The following TENM3 variants were observed in gnomAD, a reference collection of about 807,000 sequenced individuals.
The protein encoded by TENM3 is teneurin-3.
In TENM3, 63 loss-of-function variants were observed where a neutral mutation model predicts 255.1. That is an observed-to-expected ratio of 0.25 (90% CI 0.20 to 0.30). The LOEUF is 0.30. Among genes scored for constraint, TENM3 ranks in the 10% least tolerant of loss-of-function variants. The pLI is 1.00. For synonymous variants in TENM3, 1,306 were observed against 1,322.3 expected (o/e 0.99, Z 0.27); for missense variants, 2,929 against 3,461.1 (o/e 0.85, Z 3.86).
intron 24 of TENM3, among the ~76,000 whole-genome samples, chr4:182,777,908 G>A (rs1764831804): frequency 6.6e-6 from 1 of 150,902 alleles, no homozygotes; most frequent in Non-Finnish European, 1.5e-5. Context: ...GAGTAGAAAT[G>A]GAAAAATCAT....
chr4:181,618,991 G>A, the TENM3 span, among the ~76,000 whole-genome samples: 1 of 152,164 alleles, frequency 6.6e-6, no homozygotes, highest in African/African-American at 2.4e-5. Context: ...CTGGAAGGCT[G>A]ACCTTTAGGG....
the TENM3 span, among the ~76,000 whole-genome samples, chr4:181,792,990 A>C: frequency 6.6e-6 from 1 of 151,970 alleles, no homozygotes; most frequent in Admixed American, 6.6e-5. Context: ...AAAGACTGCC[A>C]AGTCATTTTC....
intron 3 of TENM3, among the ~76,000 whole-genome samples, chr4:182,419,819 A>G (rs1770674504): frequency 6.8e-6 from 1 of 146,658 alleles, no homozygotes; most frequent in South Asian, 2.3e-4. Context: ...GAACTGAACA[A>G]TGAGAACACT....
intron 3 of TENM3, among the ~76,000 whole-genome samples, chr4:182,560,553 T>G (rs144405151): frequency 6.6e-6 from 1 of 152,332 alleles, no homozygotes; most frequent in African/African-American, 2.4e-5. Flanking sequence ...AGGCACAGTT[T>G]CCCTTTTTCT....
chr4:181,833,495 G>A, the TENM3 span, among the ~76,000 whole-genome samples: 1 of 152,150 alleles, frequency 6.6e-6, no homozygotes, highest in Non-Finnish European at 1.5e-5. Flanking sequence ...TAAAACCTCT[G>A]ATTAGTTTCT....
chr4:181,776,269 GC>G, the TENM3 span, among the ~76,000 whole-genome samples: 1 of 151,938 alleles, frequency 6.6e-6, no homozygotes, highest in South Asian at 2.1e-4. Flanking sequence ...CTGTTTTATG[GC>G]TGAATAGTAT....
chr4:181,827,265 G>A, the TENM3 span, among the ~76,000 whole-genome samples: 2 of 152,236 alleles, frequency 1.3e-5, no homozygotes, highest in African/African-American at 4.8e-5. Context: ...ATCCGTATTG[G>A]TGATTCGTGA....
intron 1 of TENM3, among the ~76,000 whole-genome samples, chr4:182,235,204 A>T (rs1327231084): frequency 6.6e-6 from 1 of 152,200 alleles, no homozygotes; most frequent in Admixed American, 6.5e-5. Flanking sequence ...TGTGCTTCTT[A>T]TAGCTCTGAA....
chr4:182,633,378 G>C (rs1432616455), intron 5 of TENM3, among the ~76,000 whole-genome samples: 1 of 152,226 alleles, frequency 6.6e-6, no homozygotes, highest in African/African-American at 2.4e-5. Flanking sequence ...ATAGTCAAGT[G>C]ATGAGGACGT....
chr4:182,240,429 C>T (rs547469050), upstream of TENM3, among the ~76,000 whole-genome samples: 1 of 152,270 alleles, frequency 6.6e-6, no homozygotes, highest in African/African-American at 2.4e-5. Flanking sequence ...CGGGATTAAT[C>T]TTTTTCTGGC....
the TENM3 span, among the ~76,000 whole-genome samples, chr4:181,929,540 T>C: frequency 2.6e-5 from 4 of 152,088 alleles, no homozygotes; most frequent in African/African-American, 9.7e-5. Flanking sequence ...AGAAAGTGCT[T>C]AGAGAACTAC....
At chr4:181,914,908 G>A in the TENM3 span, among the ~76,000 whole-genome samples, 1 of 152,142 alleles carries the variant, frequency 6.6e-6, no homozygotes, top group Non-Finnish European at 1.5e-5. Context: ...GGTTCTTTAT[G>A]TATCTTTGCT....
the TENM3 span, among the ~76,000 whole-genome samples, chr4:181,686,038 G>A: frequency 3.9e-5 from 6 of 152,086 alleles, no homozygotes; most frequent in East Asian, 1.9e-4. Context: ...TCATCAAATC[G>A]GATCAGTATG....
At chr4:182,258,412 C>T (rs1423079074) in intron 1 of TENM3, among the ~76,000 whole-genome samples, 1 of 152,126 alleles carries the variant, frequency 6.6e-6, no homozygotes, top group Non-Finnish European at 1.5e-5. Context: ...TTCTGTCTTA[C>T]ACTCTGTAAA....
At chr4:181,518,781 A>G in the TENM3 span, among the ~76,000 whole-genome samples, 70 of 152,250 alleles carry the variant, frequency 4.6e-4, no homozygotes, top group Middle Eastern at 3.4e-3. Flanking sequence ...CTAGCCACCT[A>G]TAATCCATAC....
chr4:182,744,220 A>G (rs779402876), intron 19 of TENM3: 10 of 894,318 alleles, frequency 1.1e-5, no homozygotes, highest in South Asian at 4.6e-5. Context: ...TTACATTTCA[A>G]TGTGACCCTC....
rs201789657 is a variant in TENM3, at chr4:182,602,720, A to AT, written c.749+1568dup. ...ACTTAAGACACAGTCATGTATACGG[A>AT]TTTTTTTTTCCTGAGGTTATTAGCA... On this transcript the variant is annotated intron_variant, in intron 4 of 27. Transcript: ENST00000511685. Among the ~76,000 whole-genome samples the AT allele has an allele frequency of 1.9e-3, 289 of 151,844 alleles. 1 individual carries two copies. The highest frequency in any genetic ancestry group is 3.4e-3 in the Middle Eastern group (1 of 292).
chr4:182,555,275 A>G (rs1742471917), intron 3 of TENM3, among the ~76,000 whole-genome samples: 1 of 152,140 alleles, frequency 6.6e-6, no homozygotes, highest in South Asian at 2.1e-4. Context: ...GACAACTATC[A>G]TAGAGGTTTG....
chr4:181,749,082 T>C, the TENM3 span, among the ~76,000 whole-genome samples: 1 of 152,106 alleles, frequency 6.6e-6, no homozygotes, highest in African/African-American at 2.4e-5. Flanking sequence ...GTTGGCTTCC[T>C]AAGTGGTTAT....
Sources: gnomAD v4.1 joint callset for allele counts (sites outside exome capture counted in the v4.1 genomes callset) on GRCh38, gnomAD v4.1.1 for gene constraint, MANE v1.5 for transcripts, NCBI Gene and HGNC (gene_info 2026-07-23, HGNC 2026-07-21) for gene names.